The following PDE4D variants were observed in gnomAD, a reference collection of about 807,000 sequenced individuals.
PDE4D encodes phosphodiesterase 4D.
A neutral mutation model predicts 87.4 loss-of-function variants in PDE4D; 24 were observed. That is an observed-to-expected ratio of 0.27 (90% CI 0.20 to 0.39). The LOEUF (loss-of-function observed/expected upper bound fraction) is 0.39, where lower values mean the gene tolerates loss of function less well. Among genes scored for constraint, PDE4D ranks in the 10% least tolerant of loss-of-function variants. The pLI is 1.00. For missense variants in PDE4D, 714 were observed against 1,041.0 expected, an observed-to-expected ratio of 0.69 and a Z score of 4.32; for synonymous variants, 384 against 383.2, an observed-to-expected ratio of 1.00 and a Z score of -0.02.
chr5:59,044,903 A>G (rs1760358941), intron 5 of PDE4D, among the ~76,000 whole-genome samples: 1 of 152,194 alleles, frequency 6.6e-6, no homozygotes, highest in African/African-American at 2.4e-5. Flanking sequence ...TAGAATTTTT[A>G]TATGAAATAA....
chr5:59,050,233 C>T lies in PDE4D; in HGVS notation c.809-11262G>A, dbSNP rs930928001. ...AGTGAGCCGAGATTGTGCCACTGCA[C>T]TCCAGCCTGGGCAATAAGAGCGAAA... On this transcript the variant is annotated intron_variant, in intron 5 of 14. Transcript: ENST00000340635. 2.6e-5 allele frequency among the ~76,000 whole-genome samples: 4 copies of T among 152,278 alleles called. No homozygotes were observed. In the East Asian group the frequency reaches 5.8e-4, roughly 22 times the overall value.
chr5:59,711,428 C>T (rs574205840), intron 1 of PDE4D, among the ~76,000 whole-genome samples: 1 of 152,222 alleles, frequency 6.6e-6, no homozygotes, highest in African/African-American at 2.4e-5. Flanking sequence ...ATTCATTTAT[C>T]TAGCCAGGCT....
chr5:59,576,589 TGTG>T (rs1823202197), intron 1 of PDE4D, among the ~76,000 whole-genome samples: 1 of 152,108 alleles, frequency 6.6e-6, no homozygotes, highest in African/African-American at 2.4e-5. Context: ...TGCTGGGTAT[TGTG>T]GTATAAAGTA....
intron 1 of PDE4D, among the ~76,000 whole-genome samples, chr5:59,475,175 AT>A (rs1397229346): frequency 1.3e-5 from 2 of 152,016 alleles, no homozygotes; most frequent in Admixed American, 6.6e-5. Flanking sequence ...CCGTTAGAGA[AT>A]TTTAGACTTT....
intron 3 of PDE4D, among the ~76,000 whole-genome samples, chr5:59,908,840 G>T (rs1431674536): frequency 6.6e-6 from 1 of 152,128 alleles, no homozygotes. Flanking sequence ...AATCCATGAT[G>T]GGGAAAACTA....
intron 2 of PDE4D, among the ~76,000 whole-genome samples, chr5:60,070,577 C>T (rs551354510): frequency 5.3e-5 from 8 of 152,112 alleles, no homozygotes; most frequent in African/African-American, 1.9e-4. Context: ...CCTTAATGTG[C>T]TCTTGGATTC....
chr5:59,938,469 T>A (rs1356905814), intron 3 of PDE4D, among the ~76,000 whole-genome samples: 1 of 152,172 alleles, frequency 6.6e-6, no homozygotes, highest in East Asian at 1.9e-4. Context: ...GAATATGCAA[T>A]CCAGCCAAGA....
At chr5:59,973,121 T>C (rs1760953842) in intron 3 of PDE4D, among the ~76,000 whole-genome samples, 1 of 152,156 alleles carries the variant, frequency 6.6e-6, no homozygotes, top group Non-Finnish European at 1.5e-5. Context: ...TATAAAATAT[T>C]CCCAGTACCT....
intron 3 of PDE4D, among the ~76,000 whole-genome samples, chr5:59,906,152 G>A (rs934414823): frequency 6.6e-6 from 1 of 152,038 alleles, no homozygotes; most frequent in African/African-American, 2.4e-5. Context: ...TTACAGATGA[G>A]GAAAATGTGT....
intron 1 of PDE4D, among the ~76,000 whole-genome samples, chr5:59,255,999 C>A (rs1341256813): frequency 6.6e-6 from 1 of 152,032 alleles, no homozygotes; most frequent in African/African-American, 2.4e-5. Flanking sequence ...TACAAAAACT[C>A]CAGCAGAACA....
chr5:60,031,682 A>G (rs1300374481), intron 2 of PDE4D, among the ~76,000 whole-genome samples: 2 of 152,218 alleles, frequency 1.3e-5, no homozygotes, highest in African/African-American at 4.8e-5. Flanking sequence ...CCACATTTAA[A>G]AATTGCAAGA....
At chr5:60,311,633 T>C (rs1375093966) in intron 1 of PDE4D, among the ~76,000 whole-genome samples, 1 of 152,154 alleles carries the variant, frequency 6.6e-6, no homozygotes, top group African/African-American at 2.4e-5. Flanking sequence ...CATAGATCAC[T>C]GATACTATAA....
chr5:59,886,089 AT>A, intron 1 of PDE4D, among the ~76,000 whole-genome samples: 1 of 152,356 alleles, frequency 6.6e-6, no homozygotes, highest in Non-Finnish European at 1.5e-5. Context: ...TTTCATTATT[AT>A]TTCCACATTT....
intron 1 of PDE4D, among the ~76,000 whole-genome samples, chr5:59,762,493 T>C (rs1339541657): frequency 7.2e-6 from 1 of 138,524 alleles, no homozygotes; most frequent in East Asian, 2.0e-4. Flanking sequence ...TGTATATGTG[T>C]ATATGGGTAC....
At chr5:59,721,038 G>A (rs1335528942) in intron 1 of PDE4D, among the ~76,000 whole-genome samples, 5 of 152,054 alleles carry the variant, frequency 3.3e-5, no homozygotes, top group African/African-American at 4.8e-5. Context: ...ACTGTTATAG[G>A]AGCAAGGGCC....
At chr5:59,432,300 G>A (rs2153632306) in intron 1 of PDE4D, among the ~76,000 whole-genome samples, 1 of 151,882 alleles carries the variant, frequency 6.6e-6, no homozygotes, top group Non-Finnish European at 1.5e-5. Flanking sequence ...AATTATTTTT[G>A]TGAATGCACA....
intron 3 of PDE4D, among the ~76,000 whole-genome samples, chr5:59,907,777 C>T (rs1468278053): frequency 6.6e-6 from 1 of 152,146 alleles, no homozygotes; most frequent in African/African-American, 2.4e-5. Flanking sequence ...GAGATGAGAG[C>T]TGGTCTGAAT....
intron 5 of PDE4D, among the ~76,000 whole-genome samples, chr5:59,110,020 A>G (rs1772335060): frequency 6.6e-6 from 1 of 152,138 alleles, no homozygotes; most frequent in East Asian, 1.9e-4. Context: ...TACTGCTCAC[A>G]TGCATGTCCT....
At chr5:59,419,647 T>A (rs1794162720) in intron 1 of PDE4D, among the ~76,000 whole-genome samples, 1 of 152,196 alleles carries the variant, frequency 6.6e-6, no homozygotes, top group African/African-American at 2.4e-5. Flanking sequence ...TGCATAGAGT[T>A]TCCTGTACAA....
Sources: allele counts gnomAD v4.1 joint callset (sites outside exome capture counted in the v4.1 genomes callset), GRCh38; gene constraint gnomAD v4.1.1; transcripts MANE v1.5; gene names NCBI Gene and HGNC (gene_info 2026-07-23, HGNC 2026-07-21).